Variants in ARL5C observed in about 807,000 individuals in gnomAD.
ARL5C encodes ARF like GTPase 5C.
ARL5C carries 21 observed loss-of-function variants against 20.8 expected under a neutral mutation model. That is an observed-to-expected ratio of 1.01 (90% CI 0.72 to 1.46). The LOEUF is 1.46. Among genes scored for constraint, ARL5C ranks in the 40% most tolerant of loss-of-function variants. The probability of loss-of-function intolerance (pLI) is 0.00; values close to 1 mark genes in which losing one functional copy is unlikely to be tolerated. For missense variants in ARL5C, 199 were observed against 225.1 expected (o/e 0.88, Z 0.74); for synonymous variants, 71 against 81.6 (o/e 0.87, Z 0.70).
At chr17:39,159,022 GTTTTTTTT>G (rs869126572) in intron 5 of ARL5C, among the ~76,000 whole-genome samples, 25 of 52,468 alleles carry the variant, frequency 4.8e-4, no homozygotes, top group Middle Eastern at 0.014. Flanking sequence ...TTTATCACTT[GTTTTTTTT>G]TTTTTTTTTT....
rs765912991 is a variant in ARL5C at position 39,162,760 on chromosome 17, C to T, written c.206G>A (p.Arg69Lys). 30 of 1,551,720 alleles carry T rather than the reference C, an allele frequency of 1.9e-5. No homozygotes were observed. The highest frequency in any genetic ancestry group is 2.5e-5 in the Non-Finnish European group (29 of 1,147,002). The change falls in exon 3 of 6, where the codon AGA becomes AAA. Residue 69 changes from arginine (R) to lysine (K), a missense_variant. By Grantham distance (26) the Arg-to-Lys change is conservative (BLOSUM62 2). Transcript: ENST00000269586. Reference sequence around the variant, plus strand: ...CCAGATAAAGCTCAGAGCCTCAGGTCTCACTATGTCCCACATGAAGAAGTG... The same window carrying T: ...CCAGATAAAGCTCAGAGCCTCAGGTTTCACTATGTCCCACATGAAGAAGTG... ...KTHFFMWDIV[R>K]PEALSFIWNT...
intron 4 of ARL5C, 74 bp downstream of exon 4, chr17:39,161,194 A>G: frequency 1.4e-6 from 2 of 1,383,878 alleles, no homozygotes; most frequent in Non-Finnish European, 1.0e-6. Context: ...AACGAATCTC[A>G]GAGAAGCTAA....
chr17:39,158,460 A>G (rs1648714713), intron 5 of ARL5C, among the ~76,000 whole-genome samples: 2 of 151,986 alleles, frequency 1.3e-5, no homozygotes, highest in Admixed American at 6.6e-5. Context: ...CAAAAATACA[A>G]AAATTACCAG....
In ARL5C at chr17:39,162,699, T is replaced by C; in HGVS notation, c.255+12A>G. ...TGCCTTGGAGACCCTTCAGCCCTGGTGCCCTCCTCACCTCAGTGTTGGAGT... is the reference window on the plus strand; with the variant it reads ...TGCCTTGGAGACCCTTCAGCCCTGGCGCCCTCCTCACCTCAGTGTTGGAGT... On this transcript the variant is annotated intron_variant, in intron 3 of 5. Coordinates refer to ENST00000269586, the MANE Select transcript of ARL5C (RefSeq NM_001143968.1). The C allele has an allele frequency of 6.4e-7, 1 of 1,550,876 alleles. No homozygotes were observed. Among genetic ancestry groups the C allele is most frequent in the East Asian group, 2.4e-5 (1 of 40,896 alleles).
At chr17:39,157,893 A>C (rs1468289299) in intron 5 of ARL5C, among the ~76,000 whole-genome samples, 1 of 151,614 alleles carries the variant, frequency 6.6e-6, no homozygotes, top group Non-Finnish European at 1.5e-5. Flanking sequence ...GGAGATCGAG[A>C]CCATCCTGGC....
Position 39,166,005 on chromosome 17 carries a change from G to GCT in ARL5C, c.-246_-245insAG. The stretch of plus-strand genomic sequence containing the variant: ...GGCCCAAGAGGTGCAAGGAATATGG[G>GCT]GGTTCCAGGCTCCAGCCCTCCCCCT... On this transcript the variant is annotated 5_prime_UTR_variant, in exon 1 of 6. Coordinates refer to ENST00000269586, the MANE Select transcript of ARL5C (RefSeq NM_001143968.1). 1 of 549,010 alleles carries GCT rather than the reference G, an allele frequency of 1.8e-6. No individual in the cohort carries two copies. Among genetic ancestry groups the GCT allele is most frequent in the Non-Finnish European group, 3.3e-6 (1 of 306,312 alleles). 34.0% of individuals were successfully genotyped at this position (549,010 alleles called of 1,614,324 possible).
chr17:39,161,160 G>T, intron 4 of ARL5C, 108 bp downstream of exon 4: 1 of 1,046,534 alleles, frequency 9.6e-7, no homozygotes, highest in Non-Finnish European at 1.4e-6. Context: ...TGGTATAGAG[G>T]CTCTCAGAAA....
Position 39,160,702 on chromosome 17 carries a change from T to G in ARL5C, c.380A>C (p.Gln127Pro). 6.4e-7 allele frequency: 1 copy of G among 1,551,878 alleles called. No homozygotes were observed. Among genetic ancestry groups the G allele is most frequent in the Non-Finnish European group, 8.7e-7 (1 of 1,147,010 alleles). ...DASVLIFANK[Q>P]DVKDSMRMVE... The stretch of plus-strand genomic sequence containing the variant: ...CATCCTCATGGAGTCCTTCACGTCC[T>G]GCTTATTGGCAAATATCAGGACTGA... Residue 127 changes from glutamine to proline, a missense_variant, in exon 5 of 6, where the codon CAG becomes CCG. Coordinates refer to ENST00000269586, the MANE Select transcript of ARL5C (RefSeq NM_001143968.1).
intron 3 of ARL5C, among the ~76,000 whole-genome samples, chr17:39,161,942 ACTGTTAGTAT>A (rs2045437374): frequency 6.6e-6 from 1 of 152,172 alleles, no homozygotes; most frequent in African/African-American, 2.4e-5. Flanking sequence ...TGGACTTGGT[ACTGTTAGTAT>A]CCCCATTTTA....
Position 39,162,722 on chromosome 17 carries a change from A to T in ARL5C, c.244T>A (p.Ser82Thr), listed in dbSNP as rs371774362. The change falls in exon 3 of 6, where the codon TCC becomes ACC. Residue 82 changes from serine to threonine, a missense_variant. Ser to Thr is a moderately conservative substitution (Grantham distance 58). Coordinates refer to ENST00000269586, the MANE Select transcript of ARL5C (RefSeq NM_001143968.1). The part of the protein sequence containing the change: ...ALSFIWNTYY[S>T]NTEFIILVID... The stretch of plus-strand genomic sequence containing the variant: ...GGTGCCCTCCTCACCTCAGTGTTGG[A>T]GTAGTATGTGTTCCAGATAAAGCTC... 2.6e-6 allele frequency: 4 copies of T among 1,551,484 alleles called. No individual in the cohort carries two copies. Among genetic ancestry groups the T allele is most frequent in the Non-Finnish European group, 3.5e-6 (4 of 1,146,962 alleles).
chr17:39,161,478 G>T, intron 3 of ARL5C, 127 bp from the exon 4 acceptor site: 1 of 798,474 alleles, frequency 1.3e-6, no homozygotes, highest in Non-Finnish European at 2.0e-6. Flanking sequence ...AAAGCATGCA[G>T]CCTCAAGATT....
chr17:39,165,551 G>A, intron 1 of ARL5C, 164 bp downstream of exon 1: 1 of 797,640 alleles, frequency 1.3e-6, no homozygotes, highest in Non-Finnish European at 2.0e-6. Context: ...GACCCAAGAG[G>A]AGCAGGCAGG....
At chr17:39,156,983 G>A (rs1456348489) in intron 5 of ARL5C, 41 bp from the exon 6 acceptor site, 1 of 1,549,606 alleles carries the variant, frequency 6.5e-7, no homozygotes, top group Non-Finnish European at 8.7e-7. Flanking sequence ...CCTAACCCAA[G>A]AGAATGATGG....
At chr17:39,156,772 T>C (rs541065438), downstream of ARL5C, 2 of 1,162,078 alleles carry the variant, frequency 1.7e-6, no homozygotes, top group Non-Finnish European at 2.5e-6. Context: ...TCAATCTCAC[T>C]GTCCATAGCA....
At position 39,159,202 on chromosome 17, in the gene ARL5C, T is replaced by G. The variant is rs544059891; in HGVS notation, c.491+1389A>C. ...GTGTGCCACCACATCCAGCGGTTTT[T>G]TTTTTTTTTTTTTTTTGTAAAGACA... is the stretch of plus-strand genomic sequence containing the variant. On this transcript the variant is annotated intron_variant, in intron 5 of 5. Transcript: ENST00000269586. Among the ~76,000 whole-genome samples the G allele has an allele frequency of 7.4e-5, 11 of 147,698 alleles. No homozygotes were observed. The South Asian group carries it at 1.1e-3, about 14-fold the overall frequency.
At chr17:39,159,024 T>TTTTTTTTG (rs2045420957) in intron 5 of ARL5C, among the ~76,000 whole-genome samples, 1 of 109,138 alleles carries the variant, frequency 9.2e-6, no homozygotes, top group East Asian at 2.7e-4. Context: ...TATCACTTGT[T>TTTTTTTTG]TTTTTTTTTT....
chr17:39,164,321 C>T (rs1408168654), intron 2 of ARL5C: 1 of 152,120 alleles, frequency 6.6e-6, no homozygotes. Context: ...AAAAATGAGA[C>T]AGACACAGTG....
At chr17:39,160,507 G>A in intron 5 of ARL5C, 84 bp downstream of exon 5, 1 of 1,483,776 alleles carries the variant, frequency 6.7e-7, no homozygotes, top group South Asian at 1.3e-5. Flanking sequence ...ATTCTCACAG[G>A]AGAGAGGCAG....
chr17:39,162,673 C>T (rs2045440681), intron 3 of ARL5C, 38 bp downstream of exon 3: 1 of 1,542,452 alleles, frequency 6.5e-7, no homozygotes, highest in Non-Finnish European at 8.8e-7. Context: ...TATCACACGC[C>T]TGCCTTGGAG....
Sources: gnomAD v4.1 joint callset for allele counts (sites outside exome capture counted in the v4.1 genomes callset) on GRCh38, gnomAD v4.1.1 for gene constraint, MANE v1.5 for transcripts, NCBI Gene and HGNC (gene_info 2026-07-23, HGNC 2026-07-21) for gene names.